The following OTOG variants were observed in gnomAD, a reference collection of about 807,000 sequenced individuals.
The protein encoded by OTOG is otogelin.
A neutral mutation model predicts 313.8 loss-of-function variants in OTOG; 296 were observed. The observed-to-expected ratio is 0.94, with a 90% confidence interval of 0.86 to 1.04. The LOEUF (loss-of-function observed/expected upper bound fraction) is 1.04, where lower values mean the gene tolerates loss of function less well. OTOG is among the 50% of genes least tolerant of loss of function. The pLI is 0.00. For missense variants in OTOG, 3,948 were observed against 3,840.1 expected, an observed-to-expected ratio of 1.03 and a Z score of -0.74; for synonymous variants, 1,533 against 1,554.9, an observed-to-expected ratio of 0.99 and a Z score of 0.33.
rs1853506981 is a variant in OTOG, at chr11:17,610,579, C to A, written c.5279C>A (p.Thr1760Asn). 1 of 1,550,598 alleles carries A rather than the reference C, an allele frequency of 6.4e-7. No individual in the cohort carries two copies. Among genetic ancestry groups the A allele is most frequent in the Non-Finnish European group, 8.7e-7 (1 of 1,146,930 alleles). Reference sequence around the variant, plus strand: ...CCAGCCCAGCATACCACCATGGCCACCAGGTCTCCAGCTCTGCCCCCAGAG... The same window carrying A: ...CCAGCCCAGCATACCACCATGGCCAACAGGTCTCCAGCTCTGCCCCCAGAG... ...PRPAQHTTMA[T>N]RSPALPPETP... Residue 1760 changes from threonine (T) to asparagine (N), a missense_variant, in exon 36 of 56, where the codon ACC becomes AAC. Physicochemically the swap from Thr to Asn is moderately conservative, Grantham distance 65 (BLOSUM62 0). Coordinates refer to ENST00000399397, the MANE Select transcript of OTOG (RefSeq NM_001292063.2).
chr11:17,569,371 T>C, intron 16 of OTOG, 83 bp downstream of exon 16: 1 of 1,518,418 alleles, frequency 6.6e-7, no homozygotes, highest in Non-Finnish European at 8.9e-7. Flanking sequence ...CTAAAAGCAC[T>C]GCTACCCTGG....
chr11:17,558,758 T>C, intron 10 of OTOG, 114 bp downstream of exon 10: 1 of 1,143,282 alleles, frequency 8.7e-7, no homozygotes, highest in Non-Finnish European at 1.3e-6. Context: ...TTCCCAAGGC[T>C]CTGAAATTCT....
At position 17,569,239 on chromosome 11, in the gene OTOG, G is replaced by A. The variant is rs762408712; in HGVS notation, c.1728G>A (p.Gly576=). The change falls in exon 16 of 56, where the codon GGG becomes GGA. Residue 576 remains glycine, a synonymous_variant. Transcript: ENST00000399397. ...GGCAGGTGACCCTGACCCAGGCAGG[G>A]GATGTCCTTCTGTTTGACCAGTACA... ...PRRQVTLTQA[G]DVLLFDQYKI... The A allele has an allele frequency of 3.2e-6, 5 of 1,550,542 alleles. No individual in the cohort carries two copies. The highest frequency in any genetic ancestry group is 4.9e-5 in the East Asian group (2 of 40,910).
At chr11:17,548,076 G>C in intron 2 of OTOG, 76 bp from the exon 3 acceptor site, 1 of 1,441,398 alleles carries the variant, frequency 6.9e-7, no homozygotes, top group Non-Finnish European at 9.3e-7. Context: ...CACTTAGGGT[G>C]GGATAGGCCA....
chr11:17,575,815 G>A (rs575328721), intron 20 of OTOG, among the ~76,000 whole-genome samples: 1 of 152,256 alleles, frequency 6.6e-6, no homozygotes, highest in East Asian at 1.9e-4. Flanking sequence ...CCAACGAAAG[G>A]GGTCTGTGTG....
chr11:17,561,870 AGACTGG>A, intron 15 of OTOG, 63 bp downstream of exon 15: 3 of 1,538,548 alleles, frequency 1.9e-6, no homozygotes, highest in Non-Finnish European at 2.6e-6. Flanking sequence ...CCCCCAAGAG[AGACTGG>A]GACTTAGGAC....
intron 39 of OTOG, among the ~76,000 whole-genome samples, chr11:17,614,535 T>A (rs940910424): frequency 6.6e-6 from 1 of 152,144 alleles, no homozygotes; most frequent in Non-Finnish European, 1.5e-5. Context: ...AACTACCACC[T>A]CCAACCAGGA....
At chr11:17,548,254 CATGT>C (rs1851853400) in intron 3 of OTOG, 42 bp downstream of exon 3, 2 of 1,497,322 alleles carry the variant, frequency 1.3e-6, no homozygotes, top group Non-Finnish European at 1.8e-6. Context: ...AGCAGGAGCT[CATGT>C]CTATCTGGAT....
chr11:17,593,987 C>T (rs1853024087), intron 27 of OTOG, 60 bp from the exon 28 acceptor site: 3 of 1,546,306 alleles, frequency 1.9e-6, no homozygotes, highest in Non-Finnish European at 2.6e-6. Flanking sequence ...GGTGACCCCT[C>T]TGCCCGTGGC....
intron 23 of OTOG, among the ~76,000 whole-genome samples, chr11:17,583,663 T>A (rs1852727273): frequency 6.6e-6 from 1 of 152,240 alleles, no homozygotes; most frequent in Non-Finnish European, 1.5e-5. Flanking sequence ...CTCTTTTCTG[T>A]TCCATTGATC....
intron 16 of OTOG, 122 bp from the exon 17 acceptor site, chr11:17,570,091 G>C: frequency 2.3e-6 from 2 of 857,868 alleles, no homozygotes; most frequent in Admixed American, 2.4e-5. Flanking sequence ...CAGGCAGGCA[G>C]GCAGGCAGGG....
At chr11:17,567,416 G>C (rs1852311932) in intron 15 of OTOG, among the ~76,000 whole-genome samples, 1 of 152,252 alleles carries the variant, frequency 6.6e-6, no homozygotes. Flanking sequence ...ACTTTCTCAG[G>C]TTGGCTGTTG....
At chr11:17,631,352 CTCCTT>C (rs1389874932) in intron 40 of OTOG, among the ~76,000 whole-genome samples, 1 of 140,696 alleles carries the variant, frequency 7.1e-6, no homozygotes, top group East Asian at 1.9e-4. Flanking sequence ...ATTTGCTTCT[CTCCTT>C]CTCTCTCTCT....
At chr11:17,558,459 C>T in intron 9 of OTOG, 79 bp from the exon 10 acceptor site, 1 of 1,527,970 alleles carries the variant, frequency 6.5e-7, no homozygotes. Flanking sequence ...CCTCTCCCCA[C>T]AGCTCAAGTT....
intron 42 of OTOG, 81 bp from the exon 43 acceptor site, chr11:17,633,599 T>G: frequency 7.6e-7 from 1 of 1,324,360 alleles, no homozygotes. Context: ...CCTCTCCTCA[T>G]CCCCTCCTGT....
In OTOG at chr11:17,643,499, C is replaced by A; in HGVS notation, c.8454C>A (p.Cys2818Ter). Residue 2818 changes from cysteine to a stop codon, truncating the protein, a stop_gained, in exon 54 of 56, where the codon TGC becomes TGA. Transcript: ENST00000399397. LOFTEE classifies it high-confidence loss of function. ...TGGTACCTTCCTTGGAAGGATGCTG[C>A]AGGACCTGTGAGTGAGCATGGTGGG... is the stretch of plus-strand genomic sequence containing the variant. ...GSVVPSLEGC[C>*]RTCKEDGRSC... The A allele has an allele frequency of 6.9e-7, 1 of 1,449,184 alleles. No homozygotes were observed. Among genetic ancestry groups the A allele is most frequent in the South Asian group, 1.5e-5 (1 of 68,476 alleles). 89.8% of individuals were successfully genotyped at this position (1,449,184 alleles called of 1,614,324 possible).
chr11:17,635,029 G>A lies in OTOG; in HGVS notation c.7586-51G>A, dbSNP rs541620021. The A allele has an allele frequency of 8.5e-6, 13 of 1,535,324 alleles. No homozygotes were observed. In the South Asian group the frequency reaches 1.4e-4, roughly 17 times the overall value. On this transcript the variant is annotated intron_variant, in intron 45 of 55. Transcript: ENST00000399397. ...ACAGCTCTGGGGGCAGGGGCCCAGG[G>A]GTGGCCAGGCAGGTTCCTCTCCCAG...
chr11:17,572,186 G>C lies in OTOG; in HGVS notation c.2062G>C (p.Asp688His). 1 of 1,550,454 alleles carries C rather than the reference G, an allele frequency of 6.4e-7. No individual in the cohort carries two copies. Among genetic ancestry groups the C allele is most frequent in the Non-Finnish European group, 8.7e-7 (1 of 1,146,916 alleles). ...LVSGSPLDPC[D>H]VHLQAASYSV... ...CTCTGGCTCCCCTCTGGACCCCTGCGATGTGCACCTGCAAGCCGGTGAGTT... is the reference window on the plus strand; with the variant it reads ...CTCTGGCTCCCCTCTGGACCCCTGCCATGTGCACCTGCAAGCCGGTGAGTT... The change falls in exon 18 of 56, where the codon GAT (aspartate) becomes CAT (histidine). Residue 688 changes from aspartate to histidine, a missense_variant. Physicochemically the swap from Asp to His is moderately conservative, Grantham distance 81 (BLOSUM62 -1). Coordinates refer to ENST00000399397, the MANE Select transcript of OTOG (RefSeq NM_001292063.2).
At chr11:17,607,962 G>A (rs1217874945) in intron 33 of OTOG, among the ~76,000 whole-genome samples, 1 of 152,110 alleles carries the variant, frequency 6.6e-6, no homozygotes, top group African/African-American at 2.4e-5. Flanking sequence ...TCCCAAGGGA[G>A]AGATCAGGGG....
Sources: allele counts gnomAD v4.1 joint callset (sites outside exome capture counted in the v4.1 genomes callset), GRCh38; gene constraint gnomAD v4.1.1; transcripts MANE v1.5; gene names NCBI Gene and HGNC (gene_info 2026-07-23, HGNC 2026-07-21).